AGBL4: variants seen among roughly 807,000 people sequenced by gnomAD.
AGBL4 encodes cytosolic carboxypeptidase 6.
Under a neutral mutation model 66.4 loss-of-function variants are expected in AGBL4, and 58 were observed. The observed-to-expected ratio is 0.87, with a 90% CI of 0.71 to 1.09. AGBL4 has a LOEUF of 1.09. AGBL4 is among the 50% of genes least tolerant of loss of function. AGBL4 has a pLI of 0.00. For missense variants in AGBL4, 579 were observed against 631.0 expected, an observed-to-expected ratio of 0.92 and a Z score of 0.88; for synonymous variants, 234 against 222.9, an observed-to-expected ratio of 1.05 and a Z score of -0.44.
chr1:49,469,782 T>G (rs1231708493), intron 3 of AGBL4: 2 of 151,944 alleles, frequency 1.3e-5, no homozygotes, highest in Non-Finnish European at 2.9e-5. Context: ...GATTTAAATT[T>G]TGCTATGTGT....
At chr1:48,787,648 T>C (rs994769213) in intron 6 of AGBL4, among the ~76,000 whole-genome samples, 1 of 152,228 alleles carries the variant, frequency 6.6e-6, no homozygotes, top group African/African-American at 2.4e-5. Context: ...AGGGGATGTA[T>C]TGGGGTGCAG....
At chr1:49,824,009 G>A (rs904652721) in intron 2 of AGBL4, among the ~76,000 whole-genome samples, 8 of 152,016 alleles carry the variant, frequency 5.3e-5, no homozygotes, top group Non-Finnish European at 1.2e-4. Context: ...TTGGGAGTTC[G>A]AGGCCAGCCT....
chr1:49,707,012 T>C (rs1647257121), intron 2 of AGBL4, among the ~76,000 whole-genome samples: 1 of 152,328 alleles, frequency 6.6e-6, no homozygotes, highest in Admixed American at 6.5e-5. Context: ...GAGAAGAATG[T>C]ATATTCTGTT....
At chr1:48,819,386 G>C (rs566493581) in intron 6 of AGBL4, among the ~76,000 whole-genome samples, 3 of 152,304 alleles carry the variant, frequency 2.0e-5, no homozygotes, top group Admixed American at 1.3e-4. Flanking sequence ...GCCCTTCTCT[G>C]AGAAAGGCTA....
chr1:49,387,787 T>G (rs1644765641), intron 3 of AGBL4, among the ~76,000 whole-genome samples: 1 of 152,028 alleles, frequency 6.6e-6, no homozygotes, highest in African/African-American at 2.4e-5. Flanking sequence ...CGTGATCATA[T>G]GCAACTCTTC....
intron 1 of AGBL4, among the ~76,000 whole-genome samples, chr1:49,880,930 C>T (rs1422962856): frequency 3.9e-5 from 6 of 152,044 alleles, no homozygotes; most frequent in African/African-American, 1.5e-4. Context: ...TTTCCAGGTG[C>T]GTCCGTCACC....
intron 4 of AGBL4, among the ~76,000 whole-genome samples, chr1:49,137,930 C>T (rs576985027): frequency 1.4e-4 from 22 of 152,150 alleles, no homozygotes; most frequent in African/African-American, 4.1e-4. Context: ...GAGATTGAAG[C>T]TGCCTGAAAG....
intron 12 of AGBL4, among the ~76,000 whole-genome samples, chr1:48,538,891 T>C (rs1380252544): frequency 6.6e-6 from 1 of 152,162 alleles, no homozygotes; most frequent in African/African-American, 2.4e-5. Flanking sequence ...TCAAGTAGGA[T>C]GGACCACTGA....
intron 3 of AGBL4, among the ~76,000 whole-genome samples, chr1:49,554,375 A>T (rs933623435): frequency 4.0e-5 from 6 of 151,328 alleles, no homozygotes; most frequent in African/African-American, 2.4e-5. Flanking sequence ...ATGCAAACAC[A>T]TTTTTTTTTA....
In AGBL4 at chr1:49,777,544, G is replaced by A. The variant is rs186901102; in HGVS notation, c.157+73852C>T. Among the ~76,000 whole-genome samples, 54 of 152,254 alleles carry A rather than the reference G, an allele frequency of 3.5e-4. 1 individual carries two copies. Among genetic ancestry groups the A allele is most frequent in the African/African-American group, 1.3e-3 (52 of 41,544 alleles). On this transcript the variant is annotated intron_variant, in intron 2 of 13. Transcript: ENST00000371839. ...AATACAACTTAAAAATAAGAGAAGA[G>A]CAGTTTTTAATTATGTAGGACACAT...
chr1:48,581,153 T>C (rs1196932140), intron 11 of AGBL4, among the ~76,000 whole-genome samples: 1 of 152,216 alleles, frequency 6.6e-6, no homozygotes, highest in Non-Finnish European at 1.5e-5. Flanking sequence ...ACCAAGCTTT[T>C]TTCATCTGTC....
Position 49,883,800 on chromosome 1 carries a change from T to C in AGBL4, c.35-32282A>G, listed in dbSNP as rs1276224121. Among the ~76,000 whole-genome samples, 3 of 151,732 alleles carry C rather than the reference T, an allele frequency of 2.0e-5. No homozygotes were observed. In the East Asian group the frequency reaches 5.8e-4, roughly 29 times the overall value. ...GAAGTAGTCAAAGAAAACAAGACAC[T>C]ACAAAACATGCATGTATTGACACAG... On this transcript the variant is annotated intron_variant, in intron 1 of 13. Transcript: ENST00000371839.
At chr1:49,671,334 T>G (rs1646471654) in intron 3 of AGBL4, among the ~76,000 whole-genome samples, 1 of 152,026 alleles carries the variant, frequency 6.6e-6, no homozygotes, top group Admixed American at 6.6e-5. Flanking sequence ...AAAATCAACT[T>G]GAGATGCATT....
At position 49,305,078 on chromosome 1, in the gene AGBL4, T is replaced by C. The variant is rs370828278; in HGVS notation, c.283-59214A>G. Among the ~76,000 whole-genome samples the C allele has an allele frequency of 9.2e-5, 14 of 152,324 alleles. No homozygotes were observed. In the East Asian group the frequency reaches 1.5e-3, roughly 17 times the overall value. ...GAAAACTGAGGCCAGAGAGGTTAAA[T>C]AACTAAAAGTTATTAAGTAGCAGAG... is the stretch of plus-strand genomic sequence containing the variant. On this transcript the variant is annotated intron_variant, in intron 3 of 13. Transcript: ENST00000371839.
At chr1:49,195,712 G>C (rs1253900493) in intron 4 of AGBL4, among the ~76,000 whole-genome samples, 1 of 151,978 alleles carries the variant, frequency 6.6e-6, no homozygotes, top group Non-Finnish European at 1.5e-5. Flanking sequence ...GCTAGACTAG[G>C]GAAATTTTTG....
intron 3 of AGBL4, among the ~76,000 whole-genome samples, chr1:49,478,837 G>A (rs1646896620): frequency 6.6e-6 from 1 of 151,508 alleles, no homozygotes; most frequent in African/African-American, 2.4e-5. Flanking sequence ...AAGTTAAAAA[G>A]GAAGAAATGG....
intron 4 of AGBL4, among the ~76,000 whole-genome samples, chr1:49,061,449 C>A (rs960582761): frequency 6.6e-6 from 1 of 152,068 alleles, no homozygotes; most frequent in African/African-American, 2.4e-5. Context: ...CCTGTGGGTG[C>A]ATAGGGATGG....
At chr1:48,701,518 G>A (rs898795853) in intron 6 of AGBL4, among the ~76,000 whole-genome samples, 11 of 151,424 alleles carry the variant, frequency 7.3e-5, no homozygotes, top group Non-Finnish European at 1.5e-5. Flanking sequence ...CTGGAGTGCA[G>A]TGGCTGTTCA....
At chr1:48,889,300 T>C (rs181564930) in intron 5 of AGBL4, among the ~76,000 whole-genome samples, 1 of 152,268 alleles carries the variant, frequency 6.6e-6, no homozygotes, top group East Asian at 1.9e-4. Context: ...TTATCTCTAA[T>C]CATATACAGT....
Sources: gnomAD v4.1 joint callset for allele counts (sites outside exome capture counted in the v4.1 genomes callset) on GRCh38, gnomAD v4.1.1 for gene constraint, MANE v1.5 for transcripts, NCBI Gene and HGNC (gene_info 2026-07-23, HGNC 2026-07-21) for gene names.